The following GAN variants were observed in gnomAD, a reference collection of about 807,000 sequenced individuals.
GAN encodes epididymis secretory sperm binding protein.
In GAN, 48 loss-of-function variants were observed where a neutral mutation model predicts 71.3. That is an observed-to-expected ratio of 0.67 (90% confidence interval 0.53 to 0.86). The LOEUF (loss-of-function observed/expected upper bound fraction) is 0.86. Among genes scored for constraint, GAN ranks in the 40% least tolerant of loss-of-function variants. The pLI is 0.00. For missense variants in GAN, 928 were observed against 770.1 expected, an observed-to-expected ratio of 1.21 and a Z score of -2.43; for synonymous variants, 386 against 276.8, an observed-to-expected ratio of 1.39 and a Z score of -3.92.
intron 1 of GAN, among the ~76,000 whole-genome samples, chr16:81,348,475 A>C (rs1052595671): frequency 6.6e-6 from 1 of 152,112 alleles, no homozygotes; most frequent in African/African-American, 2.4e-5. Flanking sequence ...GCTTGATTTT[A>C]AGAGCAGTGC....
chr16:81,322,021 TGGTGCTTG>T (rs1418553792), intron 1 of GAN, among the ~76,000 whole-genome samples: 1 of 152,202 alleles, frequency 6.6e-6, no homozygotes, highest in Non-Finnish European at 1.5e-5. Context: ...TTCCTGATTC[TGGTGCTTG>T]GAAGAGCAGA....
At position 81,315,158 on chromosome 16, in the gene GAN, T is replaced by C; in HGVS notation, c.45T>C (p.Arg15=). The C allele has an allele frequency of 2.6e-6, 4 of 1,554,650 alleles. No individual in the cohort carries two copies. The highest frequency in any genetic ancestry group is 3.5e-6 in the Non-Finnish European group (4 of 1,152,774). ...TGTCTGACCCTCAGCACGCCGCGCG[T>C]CTGCTGCGAGCGCTCAGCTCTTTCC... ...SAVSDPQHAA[R]LLRALSSFRE... Residue 15 remains arginine (R), a synonymous_variant, in exon 1 of 11, where the codon CGT becomes CGC. Coordinates refer to ENST00000648994, the MANE Select transcript of GAN (RefSeq NM_022041.4).
rs1308135678 is a variant in GAN at position 81,390,135 on chromosome 16, A to G, written c.*12539A>G. On this transcript the variant is annotated 3_prime_UTR_variant, in exon 11 of 11. Transcript: ENST00000648994. The stretch of plus-strand genomic sequence containing the variant: ...CTACTACTGAAAAACAGGGATTTGC[A>G]ATGAAAATCATAGCTAAATAGGCAG... 1.3e-5 allele frequency: 2 copies of G among 152,222 alleles called. No individual in the cohort carries two copies. The highest frequency in any genetic ancestry group is 1.5e-5 in the Non-Finnish European group (1 of 68,022). 9.4% of individuals were successfully genotyped at this position (152,222 alleles called of 1,614,324 possible).
chr16:81,322,343 A>G (rs1909248738), intron 1 of GAN, among the ~76,000 whole-genome samples: 1 of 152,254 alleles, frequency 6.6e-6, no homozygotes. Flanking sequence ...GAGATAAGAC[A>G]TCTCAGCAGC....
chr16:81,372,946 C>T (rs1041227850), intron 9 of GAN, among the ~76,000 whole-genome samples: 2 of 152,096 alleles, frequency 1.3e-5, no homozygotes, highest in Non-Finnish European at 2.9e-5. Flanking sequence ...TATCCCAGTC[C>T]CAGCAGACTA....
rs1005321980 is a variant in GAN, at chr16:81,387,035, G to T, written c.*9439G>T. ...AGCCAGGTTCAGACAGTGTTGGCAA[G>T]AACGGATCTTTGGCAAGATCACTTA... On this transcript the variant is annotated 3_prime_UTR_variant, in exon 11 of 11. Transcript: ENST00000648994. 6.6e-6 allele frequency: 1 copy of T among 152,248 alleles called. No individual in the cohort carries two copies. Among genetic ancestry groups the T allele is most frequent in the Non-Finnish European group, 1.5e-5 (1 of 68,044 alleles). The allele number at this position is 152,248 out of a possible 1,614,324, so 9.4% of individuals were successfully genotyped here.
At chr16:81,336,799 T>A (rs1017754614) in intron 1 of GAN, among the ~76,000 whole-genome samples, 1 of 152,142 alleles carries the variant, frequency 6.6e-6, no homozygotes, top group Non-Finnish European at 1.5e-5. Flanking sequence ...AGAGCAACTT[T>A]ACATTCACAG....
At chr16:81,375,103 A>T (rs1335303093) in intron 9 of GAN, among the ~76,000 whole-genome samples, 1 of 152,182 alleles carries the variant, frequency 6.6e-6, no homozygotes, top group African/African-American at 2.4e-5. Flanking sequence ...GAAGAAAAGG[A>T]TATATTGGAA....
intron 1 of GAN, among the ~76,000 whole-genome samples, chr16:81,317,748 G>C (rs181935977): frequency 2.0e-5 from 3 of 152,282 alleles, no homozygotes; most frequent in African/African-American, 4.8e-5. Context: ...CGTTCTCTTT[G>C]TGTAAACTTT....
At chr16:81,341,523 A>G (rs1909942307) in intron 1 of GAN, among the ~76,000 whole-genome samples, 1 of 152,214 alleles carries the variant, frequency 6.6e-6, no homozygotes, top group Non-Finnish European at 1.5e-5. Flanking sequence ...TTTCATATCT[A>G]GCCAAACTAA....
chr16:81,325,047 AGGGATGGCTCC>A (rs1216250763), intron 1 of GAN, among the ~76,000 whole-genome samples: 3 of 152,144 alleles, frequency 2.0e-5, no homozygotes, highest in Non-Finnish European at 2.9e-5. Flanking sequence ...GCTCCCAGGC[AGGGATGGCTCC>A]CAGGCACGGA....
rs1440696717 is a variant in GAN, at chr16:81,365,464, T to C, written c.1488T>C (p.His496=). The C allele has an allele frequency of 2.5e-6, 4 of 1,613,790 alleles. No homozygotes were observed. The East Asian group carries it at 8.9e-5, about 36-fold the overall frequency. ...EMVTCKSEFY[H]DEFKRWIYLN... ...TAACTTGCAAGTCCGAGTTCTACCA[T>C]GATGAGTTTAAAAGGTAACTAAGAA... The change falls in exon 9 of 11, where the codon CAT becomes CAC. Residue 496 remains histidine (H), a synonymous_variant. Transcript: ENST00000648994.
At position 81,346,098 on chromosome 16, in the gene GAN, C is replaced by T. The variant is rs138340973; in HGVS notation, c.168-5485C>T. ...TGAACATGTTTTGGAGATACCTCCT[C>T]TAAATTTTTTAGTGGCTGTTAGTGT... On this transcript the variant is annotated intron_variant, in intron 1 of 10. Coordinates refer to ENST00000648994, the MANE Select transcript of GAN (RefSeq NM_022041.4). Among the ~76,000 whole-genome samples, 32 of 152,290 alleles carry T rather than the reference C, an allele frequency of 2.1e-4. No individual in the cohort carries two copies. The East Asian group carries it at 5.6e-3, about 27-fold the overall frequency.
In GAN at chr16:81,351,714, AG is replaced by A. The variant is rs1910306146; in HGVS notation, c.282+19del. The stretch of plus-strand genomic sequence containing the variant: ...AGTGGGCAGGTATGATGAGAAACAA[AG>A]GAAGGAAGACCTAAGTAGAGGCTTC... On this transcript the variant is annotated intron_variant, in intron 2 of 10. Coordinates refer to ENST00000648994, the MANE Select transcript of GAN (RefSeq NM_022041.4). The A allele has an allele frequency of 8.7e-7, 1 of 1,153,402 alleles. No homozygotes were observed. Among genetic ancestry groups the A allele is most frequent in the Non-Finnish European group, 1.3e-6 (1 of 758,622 alleles). The allele number at this position is 1,153,402 out of a possible 1,614,324, so 71.4% of individuals were successfully genotyped here.
At chr16:81,375,317 C>CT (rs370495519) in intron 9 of GAN, among the ~76,000 whole-genome samples, 28,253 of 125,086 alleles carry the variant, frequency 0.23, 3,346 homozygotes, top group Non-Finnish European at 0.28. Context: ...TTGCTACGTC[C>CT]TTTTTTTTTT....
intron 7 of GAN, 98 bp from the exon 8 acceptor site, chr16:81,364,876 C>G: frequency 1.6e-6 from 2 of 1,220,520 alleles, no homozygotes; most frequent in Non-Finnish European, 2.4e-6. Context: ...AAACCCCTTC[C>G]TAAATCTCTT....
chr16:81,368,438 A>G (rs1338252501), intron 9 of GAN, among the ~76,000 whole-genome samples: 1 of 152,168 alleles, frequency 6.6e-6, no homozygotes, highest in Non-Finnish European at 1.5e-5. Flanking sequence ...GTCTCTATGA[A>G]TTTTGAAAAA....
At chr16:81,353,291 C>CAAAAA (rs11464814) in intron 2 of GAN, among the ~76,000 whole-genome samples, 4 of 132,664 alleles carry the variant, frequency 3.0e-5, no homozygotes, top group African/African-American at 8.8e-5. Flanking sequence ...GACTCCGTCT[C>CAAAAA]AAAAAAAAAA....
intron 5 of GAN, 36 bp downstream of exon 5, chr16:81,357,967 A>T (rs1461367857): frequency 1.3e-6 from 2 of 1,568,650 alleles, no homozygotes; most frequent in Non-Finnish European, 1.8e-6. Context: ...TAAACAGCAG[A>T]TCAAGTAATG....
Sources: allele counts gnomAD v4.1 joint callset (sites outside exome capture counted in the v4.1 genomes callset), GRCh38; gene constraint gnomAD v4.1.1; transcripts MANE v1.5; gene names NCBI Gene and HGNC (gene_info 2026-07-23, HGNC 2026-07-21).